Variants in THOC2 observed in about 807,000 individuals in gnomAD.
THOC2 encodes THO complex subunit 2, also known as THO complex 2.
A neutral mutation model predicts 128.4 loss-of-function variants in THOC2; 10 were observed. The ratio of observed to expected loss-of-function variants is 0.08; its 90% CI spans 0.05 to 0.13. The LOEUF is 0.13. THOC2 is among the 10% of genes least tolerant of loss of function. The pLI is 1.00. For synonymous variants in THOC2, 393 were observed against 396.9 expected (o/e 0.99, Z 0.12); for missense variants, 535 against 1,155.7 (o/e 0.46, Z 7.79).
At chrX:123,657,249 T>A (rs1489868299) in intron 12 of THOC2, among the ~76,000 whole-genome samples, 1 of 109,267 alleles carries the variant, frequency 9.2e-6, no homozygotes, top group Admixed American at 9.9e-5. Flanking sequence ...ATCCAAGAAC[T>A]GTAGGACTAA....
intron 38 of THOC2, chrX:123,601,836 AT>A (rs2046295722): frequency 8.9e-6 from 1 of 111,977 alleles, no homozygotes; most frequent in South Asian, 3.7e-4. Context: ...AAAGTAACCT[AT>A]TTTACATGAT....
intron 22 of THOC2, among the ~76,000 whole-genome samples, chrX:123,629,205 G>GC (rs2047380917): frequency 6.6e-5 from 2 of 30,381 alleles, no homozygotes; most frequent in African/African-American, 2.4e-4. Context: ...TATTATACAT[G>GC]AACACACACA....
chrX:123,682,901 T>A (rs2049845822), intron 8 of THOC2, among the ~76,000 whole-genome samples: 1 of 111,105 alleles, frequency 9.0e-6, no homozygotes, highest in Non-Finnish European at 1.9e-5. Context: ...GCAATATGGA[T>A]GAGACCTATC....
Position 123,620,917 on chromosome X carries a change from G to A in THOC2, c.4265C>T (p.Ser1422Phe). The A allele has an allele frequency of 3.3e-6, 4 of 1,210,783 alleles. No homozygotes were observed. The highest frequency in any genetic ancestry group is 4.5e-6 in the Non-Finnish European group (4 of 894,967). The change falls in exon 32 of 39, where the codon TCC (serine) becomes TTC (phenylalanine). Residue 1422 changes from serine to phenylalanine, a missense_variant. Coordinates refer to ENST00000245838, the MANE Select transcript of THOC2 (RefSeq NM_001081550.2). ...IDTHPSPSHS[S>F]TVKDSLIELK... ...TCAGGCTATACTAACCTTTACTGTGGAGGAATGTGATGGAGAAGGGTGAGT... is the reference window on the plus strand; with the variant it reads ...TCAGGCTATACTAACCTTTACTGTGAAGGAATGTGATGGAGAAGGGTGAGT...
intron 12 of THOC2, among the ~76,000 whole-genome samples, chrX:123,650,036 A>C (rs1325799813): frequency 8.9e-6 from 1 of 111,765 alleles, no homozygotes; most frequent in African/African-American, 3.3e-5. Context: ...CGAAGAAAAA[A>C]ATGTTAAGGG....
rs1419468530 is a variant in THOC2, at chrX:123,600,848, G to C, written c.*509C>G. 2 of 112,511 alleles carry C rather than the reference G, an allele frequency of 1.8e-5. No homozygotes were observed. The highest frequency in any genetic ancestry group is 3.2e-5 in the African/African-American group (1 of 30,898). The allele number at this position is 112,511 out of a possible 1,213,427, so 9.3% of individuals were successfully genotyped here. A position where few individuals can be genotyped will look rare whatever the true frequency, so the allele number is the denominator to read the frequency against. On this transcript the variant is annotated 3_prime_UTR_variant, in exon 39 of 39. Coordinates refer to ENST00000245838, the MANE Select transcript of THOC2 (RefSeq NM_001081550.2). ...ATGTTGTACATGTACTATATAAAAT[G>C]ATTCCTAAGCATTTCATAAGACAAT...
chrX:123,617,054 G>A (rs1244727670), intron 33 of THOC2, among the ~76,000 whole-genome samples: 1 of 110,711 alleles, frequency 9.0e-6, no homozygotes, highest in East Asian at 2.8e-4. Flanking sequence ...TCAGAAACAG[G>A]CTAAAGATAA....
intron 12 of THOC2, among the ~76,000 whole-genome samples, chrX:123,662,732 T>C (rs1379706794): frequency 9.0e-6 from 1 of 111,467 alleles, no homozygotes; most frequent in Non-Finnish European, 1.9e-5. Flanking sequence ...AGGCCTTGCA[T>C]CCAGAATAAA....
At chrX:123,726,037 C>T (rs778276893) in intron 1 of THOC2, among the ~76,000 whole-genome samples, 3 of 110,798 alleles carry the variant, frequency 2.7e-5, no homozygotes, top group African/African-American at 9.8e-5. Context: ...GGTGAAACCC[C>T]GTCTCTACTA....
intron 38 of THOC2, chrX:123,602,326 C>T (rs1569308731): frequency 8.9e-6 from 1 of 112,167 alleles, no homozygotes; most frequent in Admixed American, 9.4e-5. Context: ...GCCATTGTTC[C>T]TGTCCATTAA....
intron 1 of THOC2, among the ~76,000 whole-genome samples, chrX:123,722,691 A>C (rs1446871165): frequency 9.0e-6 from 1 of 110,628 alleles, no homozygotes; most frequent in East Asian, 2.8e-4. Context: ...CCTATGTAAC[A>C]AACCTGCACA....
intron 37 of THOC2, 28 bp downstream of exon 37, chrX:123,611,412 A>C (rs376242205): frequency 2.7e-6 from 3 of 1,128,396 alleles, no homozygotes; most frequent in Non-Finnish European, 2.4e-6. Flanking sequence ...TACTACACTA[A>C]CTGAAAACAT....
At chrX:123,646,097 C>A (rs903351846) in intron 12 of THOC2, among the ~76,000 whole-genome samples, 2 of 111,940 alleles carry the variant, frequency 1.8e-5, no homozygotes, top group Non-Finnish European at 3.8e-5. Context: ...CAAAATTAAA[C>A]GCAAAGAAAT....
intron 15 of THOC2, 112 bp downstream of exon 15, chrX:123,644,463 A>G: frequency 2.0e-6 from 1 of 494,323 alleles, no homozygotes; most frequent in Non-Finnish European, 3.2e-6. Flanking sequence ...CAGCTATACC[A>G]TTCACAACAC....
At chrX:123,604,666 T>A (rs2046402558) in intron 38 of THOC2, among the ~76,000 whole-genome samples, 1 of 112,107 alleles carries the variant, frequency 8.9e-6, no homozygotes, top group African/African-American at 3.2e-5. Context: ...TTTAATTTTA[T>A]GATCAAATTC....
chrX:123,621,378 T>C lies in THOC2; in HGVS notation c.3995A>G (p.Lys1332Arg). The C allele has an allele frequency of 8.3e-7, 1 of 1,211,520 alleles. No homozygotes were observed. Among genetic ancestry groups the C allele is most frequent in the Non-Finnish European group, 1.1e-6 (1 of 895,478 alleles). ...CTCATCTTTAGCTTTTTCTTCCTTC[T>C]TGAATTTTTCTTTCTCTTTGTCAGA... ...PKSDKEKEKFKKEEKAKDEKF... is the reference protein window; with the variant it reads ...PKSDKEKEKFRKEEKAKDEKF... Residue 1332 changes from lysine (K) to arginine (R), a missense_variant, in exon 31 of 39, where the codon AAG becomes AGG. Coordinates refer to ENST00000245838, the MANE Select transcript of THOC2 (RefSeq NM_001081550.2).
chrX:123,725,918 A>G (rs952510963), intron 1 of THOC2, among the ~76,000 whole-genome samples: 2 of 111,723 alleles, frequency 1.8e-5, no homozygotes, highest in Non-Finnish European at 3.8e-5. Flanking sequence ...TTAGAATATA[A>G]TAGCAGGGGC....
At chrX:123,634,910 CT>C (rs2047617439) in intron 19 of THOC2, among the ~76,000 whole-genome samples, 1 of 111,953 alleles carries the variant, frequency 8.9e-6, no homozygotes, top group African/African-American at 3.2e-5. Flanking sequence ...GAAATAATAC[CT>C]TATGTCCTCT....
At chrX:123,638,574 G>A (rs1366864900) in intron 17 of THOC2, among the ~76,000 whole-genome samples, 6 of 110,507 alleles carry the variant, frequency 5.4e-5, no homozygotes, top group East Asian at 5.7e-4. Flanking sequence ...CAAGAGACTC[G>A]CTTGAACCCA....
Sources: allele counts gnomAD v4.1 joint callset (sites outside exome capture counted in the v4.1 genomes callset), GRCh38; gene constraint gnomAD v4.1.1; transcripts MANE v1.5; gene names NCBI Gene and HGNC (gene_info 2026-07-23, HGNC 2026-07-21).